Variants in ZNF536 observed in about 807,000 individuals in gnomAD.
The protein encoded by ZNF536 is zinc finger protein 536.
In ZNF536, 13 loss-of-function variants were observed where a neutral mutation model predicts 84.5. The ratio of observed to expected loss-of-function variants is 0.15; its 90% CI spans 0.10 to 0.24. The LOEUF (loss-of-function observed/expected upper bound fraction) is 0.24. Ranked by LOEUF, ZNF536 falls within the 10% of genes least tolerant of loss-of-function variation. The pLI, the probability that ZNF536 is intolerant of heterozygous loss-of-function variation, is 1.00. For missense variants in ZNF536, 1,536 were observed against 1,747.5 expected, an observed-to-expected ratio of 0.88 and a Z score of 2.16; for synonymous variants, 811 against 742.5, an observed-to-expected ratio of 1.09 and a Z score of -1.50.
intron 2 of ZNF536, among the ~76,000 whole-genome samples, chr19:30,489,234 T>C (rs534036710): frequency 6.6e-6 from 1 of 152,318 alleles, no homozygotes; most frequent in African/African-American, 2.4e-5. Context: ...TTGTGACTTG[T>C]TTATTTGATT....
chr19:30,506,565 G>T (rs1360742369), intron 2 of ZNF536, among the ~76,000 whole-genome samples: 1 of 152,216 alleles, frequency 6.6e-6, no homozygotes, highest in Non-Finnish European at 1.5e-5. Context: ...CCTGGGGAAA[G>T]ACCTGCCTGG....
intron 2 of ZNF536, among the ~76,000 whole-genome samples, chr19:30,469,153 G>A (rs1023601070): frequency 1.4e-4 from 21 of 152,258 alleles, no homozygotes; most frequent in African/African-American, 3.6e-4. Flanking sequence ...GGTAGCTCAC[G>A]CCTGTAATCC....
intron 1 of ZNF536, among the ~76,000 whole-genome samples, chr19:30,563,942 G>A (rs77801765): frequency 0.037 from 5,667 of 152,246 alleles, 366 homozygotes; most frequent in African/African-American, 0.13. Flanking sequence ...CTATGTCAAG[G>A]TGTCTCTGGG....
intron 1 of ZNF536, among the ~76,000 whole-genome samples, chr19:30,232,360 C>G (rs979929398): frequency 6.6e-6 from 1 of 152,132 alleles, no homozygotes; most frequent in African/African-American, 2.4e-5. Context: ...ATGCTGAGGT[C>G]TGGGGTACAA....
intron 1 of ZNF536, among the ~76,000 whole-genome samples, chr19:30,627,969 C>T (rs1171891232): frequency 6.6e-6 from 1 of 152,204 alleles, no homozygotes; most frequent in Non-Finnish European, 1.5e-5. Context: ...TCCATCACGC[C>T]TCAACCCAGA....
In ZNF536 at chr19:30,543,765, A is replaced by G. The variant is rs376647230; in HGVS notation, c.2324-4178A>G. Among the ~76,000 whole-genome samples, 5 of 152,304 alleles carry G rather than the reference A, an allele frequency of 3.3e-5. 1 individual carries two copies. The highest frequency in any genetic ancestry group is 9.6e-5 in the African/African-American group (4 of 41,572). ...TTGCTGCCCCACCCCGTCTAGGCCA[A>G]CGTTGTAAGTAGTTTGCCTCCTGAG... On this transcript the variant is annotated intron_variant, in intron 3 of 4. Coordinates refer to ENST00000355537, the MANE Select transcript of ZNF536 (RefSeq NM_014717.3).
chr19:30,644,459 G>A lies in ZNF536; in HGVS notation c.170-66298G>A, dbSNP rs138909593. On this transcript the variant is annotated intron_variant, in intron 1 of 1. Coordinates refer to the ZNF536 transcript ENST00000592773. ...TATACATGTGCCATGCTGGTGTGCT[G>A]CACCCAGTAACTCGTCATTTAGCAT... Among the ~76,000 whole-genome samples, 284 of 152,084 alleles carry A rather than the reference G, an allele frequency of 1.9e-3. 3 individuals carry two copies. The East Asian group carries it at 0.047, about 25-fold the overall frequency.
chr19:30,460,723 C>G (rs1450186014), intron 2 of ZNF536, among the ~76,000 whole-genome samples: 7 of 152,096 alleles, frequency 4.6e-5, no homozygotes, highest in Non-Finnish European at 8.8e-5. Flanking sequence ...AGGGGTGGCA[C>G]CCAAGAGGAA....
At chr19:30,626,314 T>G (rs2048674826) in intron 1 of ZNF536, among the ~76,000 whole-genome samples, 2 of 152,220 alleles carry the variant, frequency 1.3e-5, no homozygotes, top group Non-Finnish European at 2.9e-5. Flanking sequence ...CTAATTATCT[T>G]CTATATTTTT....
chr19:30,281,232 G>C (rs1024252298), intron 1 of ZNF536, among the ~76,000 whole-genome samples: 1 of 151,986 alleles, frequency 6.6e-6, no homozygotes, highest in Non-Finnish European at 1.5e-5. Flanking sequence ...CTCCCTCCTC[G>C]CTCCCCAGCA....
At chr19:30,627,117 G>A (rs2048709441) in intron 1 of ZNF536, among the ~76,000 whole-genome samples, 1 of 152,038 alleles carries the variant, frequency 6.6e-6, no homozygotes. Context: ...TCTGCTATCT[G>A]CCTCCCTGTG....
At chr19:30,605,351 C>A (rs1262026341) in intron 1 of ZNF536, among the ~76,000 whole-genome samples, 1 of 151,976 alleles carries the variant, frequency 6.6e-6, no homozygotes, top group Non-Finnish European at 1.5e-5. Flanking sequence ...CCTCCCCCAC[C>A]GCCAAGTCCC....
chr19:30,259,877 C>G (rs959257490), intron 1 of ZNF536, among the ~76,000 whole-genome samples: 1 of 151,548 alleles, frequency 6.6e-6, no homozygotes, highest in Non-Finnish European at 1.5e-5. Context: ...TCAGGCTCCT[C>G]TATATCTGGG....
At position 30,312,432 on chromosome 19, in the gene ZNF536, T is replaced by A. The variant is rs1163948502; in HGVS notation, c.-120+28291T>A. On this transcript the variant is annotated intron_variant, in intron 2 of 5. Transcript: ENST00000585628. ...TGGCCCGAGCGCACAGAGCTTCCCA[T>A]GCTCACATTTGGCTTCCAAAGCAAC... Among the ~76,000 whole-genome samples the A allele has an allele frequency of 8.7e-4, 133 of 152,328 alleles. 1 individual carries two copies. Among genetic ancestry groups the A allele is most frequent in the Non-Finnish European group, 1.5e-4 (10 of 68,024 alleles).
At chr19:30,351,398 G>T (rs1415429934) in intron 2 of ZNF536, among the ~76,000 whole-genome samples, 6 of 152,134 alleles carry the variant, frequency 3.9e-5, no homozygotes, top group Admixed American at 3.9e-4. Context: ...AGAGTTAAGG[G>T]TTCTGATGCA....
chr19:30,672,571 A>C (rs923493777), intron 1 of ZNF536, among the ~76,000 whole-genome samples: 12 of 152,218 alleles, frequency 7.9e-5, no homozygotes, highest in Admixed American at 3.3e-4. Context: ...GTGATGTTTT[A>C]ATCCCATTCC....
chr19:30,694,885 A>G (rs1249038108), intron 1 of ZNF536, among the ~76,000 whole-genome samples: 1 of 152,066 alleles, frequency 6.6e-6, no homozygotes, highest in Non-Finnish European at 1.5e-5. Flanking sequence ...GGTAAGGTGG[A>G]GGGCAAGAGT....
chr19:30,340,281 T>C (rs1002522194), intron 2 of ZNF536, among the ~76,000 whole-genome samples: 1 of 152,158 alleles, frequency 6.6e-6, no homozygotes, highest in Non-Finnish European at 1.5e-5. Context: ...CTGGCTGTCA[T>C]TCCTCAGAGG....
rs770551448 is a variant in ZNF536 at position 30,443,620 on chromosome 19, C to T, written c.58C>T (p.His20Tyr). The change falls in exon 2 of 5, where the codon CAC becomes TAC. Residue 20 changes from histidine (H) to tyrosine (Y), a missense_variant. By Grantham distance (83) the His-to-Tyr change is moderately conservative. This residue lies in a region of ZNF536 where 161 missense variants were observed against 178.5 expected (regional missense o/e 0.90). Transcript: ENST00000355537. ...TTCGGCGGAGCCGGAAGCTGAGCCC[C>T]ACCTGAGTGGCCCCGTCCTCAACGG... ...VSSAEPEAEP[H>Y]LSGPVLNGQY... 10 of 1,602,956 alleles carry T rather than the reference C, an allele frequency of 6.2e-6. No individual in the cohort carries two copies. In the South Asian group the frequency reaches 7.9e-5, roughly 13 times the overall value.
Sources: allele counts gnomAD v4.1 joint callset (sites outside exome capture counted in the v4.1 genomes callset), GRCh38; gene constraint gnomAD v4.1.1; regional missense constraint gnomAD v4.1.1; transcripts MANE v1.5; gene names NCBI Gene and HGNC (gene_info 2026-07-23, HGNC 2026-07-21).